FGGY: variants seen among roughly 807,000 people sequenced by gnomAD.
The protein encoded by FGGY is FGGY carbohydrate kinase domain containing, also known as FGGY carbohydrate kinase domain-containing protein.
FGGY carries 72 observed loss-of-function variants against 71.3 expected under a neutral mutation model. The ratio of observed to expected loss-of-function variants is 1.01; its 90% CI spans 0.84 to 1.23. The LOEUF (loss-of-function observed/expected upper bound fraction) is 1.23, where lower values mean the gene tolerates loss of function less well. Ranked by LOEUF, FGGY falls within the 50% of genes most tolerant of loss-of-function variation. The probability of loss-of-function intolerance (pLI) is 0.00; values close to 1 mark genes in which losing one functional copy is unlikely to be tolerated. For missense variants in FGGY, 668 were observed against 682.3 expected (o/e 0.98, Z 0.23); for synonymous variants, 251 against 250.3 (o/e 1.00, Z -0.02).
chr1:59,322,833 T>A lies in FGGY; in HGVS notation c.201+1083T>A, dbSNP rs146973271. Among the ~76,000 whole-genome samples, 178 of 152,334 alleles carry A rather than the reference T, an allele frequency of 1.2e-3. 3 individuals are homozygous for A. The East Asian group carries it at 0.019, about 16-fold the overall frequency. ...AATGACAGAGGTCCTTTTGTCTTTT[T>A]TTCCATGGGGAAAAATAAAGTCCTG... On this transcript the variant is annotated intron_variant, in intron 2 of 15. Transcript: ENST00000303721.
intron 1 of FGGY, among the ~76,000 whole-genome samples, chr1:59,299,190 C>T (rs540340095): frequency 2.0e-5 from 3 of 152,086 alleles, no homozygotes; most frequent in Non-Finnish European, 2.9e-5. Flanking sequence ...GGAGAAAGAG[C>T]GAGGGATTAT....
At position 59,426,011 on chromosome 1, in the gene FGGY, C is replaced by A. The variant is rs142711736; in HGVS notation, c.555-30950C>A. Among the ~76,000 whole-genome samples, 650 of 151,972 alleles carry A rather than the reference C, an allele frequency of 4.3e-3. 2 individuals carry two copies. Among genetic ancestry groups the A allele is most frequent in the Non-Finnish European group, 7.4e-3 (500 of 67,964 alleles). On this transcript the variant is annotated intron_variant, in intron 5 of 15. Transcript: ENST00000303721. ...AATACGAAAATTTAGGAACATGATACAAAACTTTTCTCTGTGCACCACTGG... is the reference window on the plus strand; with the variant it reads ...AATACGAAAATTTAGGAACATGATAAAAAACTTTTCTCTGTGCACCACTGG...
intron 4 of FGGY, among the ~76,000 whole-genome samples, chr1:59,377,424 G>C (rs61788352): frequency 0.18 from 27,612 of 152,114 alleles, 3,091 homozygotes; most frequent in East Asian, 0.35. Context: ...GAAGTGCAGA[G>C]TGAAAGCAGG....
At chr1:59,655,958 G>A (rs74086277) in intron 11 of FGGY, among the ~76,000 whole-genome samples, 3 of 151,992 alleles carry the variant, frequency 2.0e-5, no homozygotes, top group East Asian at 1.9e-4. Flanking sequence ...GGCATACACC[G>A]CTAACCTCGA....
intron 5 of FGGY, among the ~76,000 whole-genome samples, chr1:59,452,190 T>G (rs1033552510): frequency 7.9e-5 from 12 of 152,054 alleles, no homozygotes; most frequent in African/African-American, 2.9e-4. Flanking sequence ...GCCTCTTATC[T>G]CTTCCATCAT....
intron 8 of FGGY, among the ~76,000 whole-genome samples, chr1:59,564,346 T>C (rs1163142089): frequency 6.6e-6 from 1 of 152,088 alleles, no homozygotes; most frequent in African/African-American, 2.4e-5. Context: ...GTCTTTGGGC[T>C]CTAACCACAG....
At chr1:59,438,830 T>A (rs1446228316) in intron 5 of FGGY, among the ~76,000 whole-genome samples, 1 of 152,216 alleles carries the variant, frequency 6.6e-6, no homozygotes, top group Non-Finnish European at 1.5e-5. Flanking sequence ...ACATACTGGG[T>A]TACTTCCATG....
Position 59,467,371 on chromosome 1 carries a change from A to T in FGGY, c.670+10295A>T, listed in dbSNP as rs149847384. On this transcript the variant is annotated intron_variant, in intron 6 of 15. Transcript: ENST00000303721. ...CGTGGGGTGGGGGAATGGGGGAGGGATAGCATTAGAATAAATATCTAATGT... is the reference window on the plus strand; with the variant it reads ...CGTGGGGTGGGGGAATGGGGGAGGGTTAGCATTAGAATAAATATCTAATGT... 3.8e-3 allele frequency among the ~76,000 whole-genome samples: 583 copies of T among 152,144 alleles called. 2 individuals carry two copies. The highest frequency in any genetic ancestry group is 0.012 in the African/African-American group (517 of 41,490).
At chr1:59,376,677 A>G (rs894372963) in intron 4 of FGGY, among the ~76,000 whole-genome samples, 1 of 152,198 alleles carries the variant, frequency 6.6e-6, no homozygotes, top group Admixed American at 6.5e-5. Context: ...TTGAGTTCCT[A>G]CTGTGTGTTA....
intron 2 of FGGY, among the ~76,000 whole-genome samples, chr1:59,324,433 C>T (rs371020767): frequency 1.1e-4 from 17 of 150,452 alleles, no homozygotes; most frequent in South Asian, 2.1e-4. Flanking sequence ...CCCGCCACTA[C>T]GCCCGGCTAA....
chr1:59,336,480 T>TTTG (rs2049537648), intron 2 of FGGY, among the ~76,000 whole-genome samples: 1 of 116 alleles, frequency 8.6e-3, no homozygotes, highest in African/African-American at 0.05. Flanking sequence ...AACCTGCTAG[T>TTTG]TTTTTTTTTT....
At chr1:59,305,532 C>CA (rs144695160) in intron 1 of FGGY, among the ~76,000 whole-genome samples, 2,267 of 152,162 alleles carry the variant, frequency 0.015, 38 homozygotes, top group Non-Finnish European at 0.019. Flanking sequence ...TCATAATGTC[C>CA]TTGTCTAGCT....
chr1:59,633,933 G>A (rs74502600), intron 10 of FGGY, among the ~76,000 whole-genome samples: 5,174 of 152,156 alleles, frequency 0.034, 166 homozygotes, highest in African/African-American at 0.088. Flanking sequence ...GAGGAGGGAG[G>A]AAAATCAAGA....
chr1:59,362,432 G>A (rs1450448069), intron 4 of FGGY, among the ~76,000 whole-genome samples: 1 of 152,170 alleles, frequency 6.6e-6, no homozygotes, highest in Non-Finnish European at 1.5e-5. Context: ...AAGGACTGAT[G>A]GTGGCTCCCA....
intron 9 of FGGY, among the ~76,000 whole-genome samples, chr1:59,619,850 T>A (rs928797563): frequency 6.6e-6 from 1 of 151,936 alleles, no homozygotes; most frequent in Non-Finnish European, 1.5e-5. Context: ...AGCACAGAAG[T>A]CAGAAAGAGG....
intron 8 of FGGY, among the ~76,000 whole-genome samples, chr1:59,565,849 C>T (rs562722977): frequency 8.5e-5 from 13 of 152,248 alleles, no homozygotes; most frequent in African/African-American, 2.9e-4. Flanking sequence ...TTCAAGAAGC[C>T]ACCAGCCTAA....
intron 14 of FGGY, chr1:59,698,742 C>G (rs1309141274): frequency 2.0e-6 from 2 of 985,250 alleles, no homozygotes; most frequent in Non-Finnish European, 2.4e-6. Flanking sequence ...AGTTCGTTTT[C>G]CATTTCATCT....
intron 4 of FGGY, among the ~76,000 whole-genome samples, chr1:59,364,937 G>A (rs946718861): frequency 4.6e-5 from 7 of 152,150 alleles, no homozygotes; most frequent in African/African-American, 9.7e-5. Context: ...TGAGAGAAGA[G>A]GTAGAAGATG....
intron 1 of FGGY, among the ~76,000 whole-genome samples, chr1:59,304,376 A>G (rs925883772): frequency 5.3e-5 from 8 of 151,972 alleles, no homozygotes; most frequent in African/African-American, 1.9e-4. Context: ...AGGGTAGTTG[A>G]TTGTATATGA....
Sources: allele counts gnomAD v4.1 joint callset (sites outside exome capture counted in the v4.1 genomes callset), GRCh38; gene constraint gnomAD v4.1.1; transcripts MANE v1.5; gene names NCBI Gene and HGNC (gene_info 2026-07-23, HGNC 2026-07-21).